PACS2: variants seen among roughly 807,000 people sequenced by gnomAD.
The protein encoded by PACS2 is phosphofurin acidic cluster sorting protein 2.
In PACS2, 36 loss-of-function variants were observed where a neutral mutation model predicts 113.0. The ratio of observed to expected loss-of-function variants is 0.32; its 90% CI spans 0.24 to 0.42. The LOEUF is 0.42. PACS2 is among the 10% of genes least tolerant of loss of function. The pLI, the probability that PACS2 is intolerant of heterozygous loss-of-function variation, is 1.00. For synonymous variants in PACS2, 589 were observed against 536.1 expected, an observed-to-expected ratio of 1.10 and a Z score of -1.36; for missense variants, 1,015 against 1,239.5, an observed-to-expected ratio of 0.82 and a Z score of 2.72.
rs587661895 is a variant in PACS2, at chr14:105,365,633, C to T, written c.424-1580C>T. Among the ~76,000 whole-genome samples, 3 of 152,334 alleles carry T rather than the reference C, an allele frequency of 2.0e-5. No homozygotes were observed. The South Asian group carries it at 6.2e-4, about 32-fold the overall frequency. On this transcript the variant is annotated intron_variant, in intron 4 of 24. Coordinates refer to ENST00000447393, the MANE Select transcript of PACS2 (RefSeq NM_001100913.3). The surrounding 1 kb of genome is among the most constrained non-coding windows in gnomAD (Gnocchi z 5.1). ...CCGTGGAGGTTGGTATGAGCAGGTG[C>T]AGCACCACCTGAGCCCCACCTTGAT...
At chr14:105,373,244 A>T (rs887565759) in intron 8 of PACS2, among the ~76,000 whole-genome samples, 1 of 152,254 alleles carries the variant, frequency 6.6e-6, no homozygotes, top group Non-Finnish European at 1.5e-5. Context: ...ATTTATGTGT[A>T]AATGCCAGAG....
intron 4 of PACS2, among the ~76,000 whole-genome samples, chr14:105,362,837 C>T (rs1402137837): frequency 2.0e-5 from 3 of 152,108 alleles, no homozygotes; most frequent in Admixed American, 6.5e-5. Flanking sequence ...GGCAACAGAG[C>T]GAAACTCCAA....
upstream of PACS2, among the ~76,000 whole-genome samples, chr14:105,310,861 TATCA>T (rs781112440): frequency 9.2e-5 from 14 of 152,378 alleles, no homozygotes; most frequent in Admixed American, 3.3e-4. Flanking sequence ...ATTTGTATCC[TATCA>T]ATATTTTTCT....
chr14:105,392,882 A>C (rs1566973463), intron 23 of PACS2, 37 bp downstream of exon 23: 1 of 1,495,552 alleles, frequency 6.7e-7, no homozygotes, highest in South Asian at 1.1e-5. Context: ...CACGGCGCAG[A>C]AGGGCGGCTC....
intron 4 of PACS2, among the ~76,000 whole-genome samples, chr14:105,364,526 G>C (rs1167430386): frequency 2.1e-4 from 31 of 150,524 alleles, no homozygotes; most frequent in African/African-American, 7.5e-4. Context: ...TGGGTGCGCG[G>C]TGGGCGGCAC....
intron 1 of PACS2, among the ~76,000 whole-genome samples, chr14:105,319,607 G>C (rs1682256117): frequency 6.6e-6 from 1 of 152,140 alleles, no homozygotes; most frequent in Non-Finnish European, 1.5e-5. Context: ...TTTTCAAAAT[G>C]TATGTTTTGT....
intron 9 of PACS2, among the ~76,000 whole-genome samples, chr14:105,377,821 A>G (rs1219673249): frequency 5.3e-5 from 8 of 152,206 alleles, no homozygotes; most frequent in African/African-American, 1.9e-4. Flanking sequence ...GGAGATTGCC[A>G]TCCCGAGGCT....
chr14:105,338,220 C>G (rs191858080), intron 1 of PACS2, among the ~76,000 whole-genome samples: 1 of 152,194 alleles, frequency 6.6e-6, no homozygotes, highest in Non-Finnish European at 1.5e-5. Flanking sequence ...CTGCCCAGCC[C>G]TGGAGAGTGT....
Position 105,348,792 on chromosome 14 carries a change from A to T in PACS2, c.207+212A>T. ...AGGGAGGCAGGCCCGGCCTTCTGGG[A>T]TGTGGAGGTCACATGCATGGGGCCT... is the stretch of plus-strand genomic sequence containing the variant. On this transcript the variant is annotated intron_variant, in intron 2 of 24. Transcript: ENST00000447393. This position sits in a 1 kb window ranked among gnomAD's most constrained non-coding sequence, Gnocchi z 6.4. The T allele has an allele frequency of 3.7e-6, 2 of 539,336 alleles. No homozygotes were observed. The allele number at this position is 539,336 out of a possible 1,614,324, so 33.4% of individuals were successfully genotyped here.
intron 1 of PACS2, among the ~76,000 whole-genome samples, chr14:105,327,103 G>T (rs76971061): frequency 1.3e-5 from 2 of 152,222 alleles, no homozygotes; most frequent in African/African-American, 2.4e-5. Flanking sequence ...GTCCAGCGTC[G>T]CTGTCTCCTG....
At chr14:105,337,717 C>T in intron 1 of PACS2, among the ~76,000 whole-genome samples, 1 of 152,338 alleles carries the variant, frequency 6.6e-6, no homozygotes, top group South Asian at 2.1e-4. Context: ...CCTGAGCCCC[C>T]TGAGATGGGA....
At chr14:105,304,779 TG>T (rs1566882853) in intron 1 of PACS2, among the ~76,000 whole-genome samples, 1 of 152,220 alleles carries the variant, frequency 6.6e-6, no homozygotes, top group African/African-American at 2.4e-5. Flanking sequence ...ACGTCTTACG[TG>T]GATGGCAGCA....
intron 3 of PACS2, among the ~76,000 whole-genome samples, chr14:105,352,948 G>A (rs1384245687): frequency 8.8e-6 from 1 of 114,098 alleles, no homozygotes; most frequent in African/African-American, 3.6e-5. Flanking sequence ...CCTCATCAGT[G>A]TCCCCTGGGG....
chr14:105,321,538 T>G (rs2140842947), intron 1 of PACS2, among the ~76,000 whole-genome samples: 1 of 152,180 alleles, frequency 6.6e-6, no homozygotes, highest in South Asian at 2.1e-4. Flanking sequence ...AAATTTTGTA[T>G]TTTTTGTAGA....
chr14:105,316,864 TG>T (rs2058672931), intron 1 of PACS2, among the ~76,000 whole-genome samples: 1 of 151,724 alleles, frequency 6.6e-6, no homozygotes, highest in African/African-American at 2.4e-5. Flanking sequence ...TCTGTTGGTG[TG>T]GAGTTAATGG....
intron 11 of PACS2, 129 bp from the exon 12 acceptor site, chr14:105,380,828 G>C: frequency 1.2e-6 from 1 of 854,692 alleles, no homozygotes; most frequent in Non-Finnish European, 1.7e-6. Flanking sequence ...CGTATGGCCG[G>C]GTCCACATGT....
rs1555407844 is a variant in PACS2 at position 105,365,891 on chromosome 14, T to C, written c.424-1322T>C. Among the ~76,000 whole-genome samples the C allele has an allele frequency of 1.3e-5, 2 of 152,202 alleles. No homozygotes were observed. Among genetic ancestry groups the C allele is most frequent in the African/African-American group, 4.8e-5 (2 of 41,456 alleles). On this transcript the variant is annotated intron_variant, in intron 4 of 24. Transcript: ENST00000447393. The surrounding 1 kb of genome is among the most constrained non-coding windows in gnomAD (Gnocchi z 5.1). ...TGAAGCTGCGTGTGCCCCGGCGAGT[T>C]GTGGGCACGAGGGCGTCAGCAGTGG...
Position 105,324,719 on chromosome 14 carries a change from C to T in PACS2, c.119+9682C>T, listed in dbSNP as rs1379898463. On this transcript the variant is annotated intron_variant, in intron 1 of 24. Transcript: ENST00000447393. This position sits in a 1 kb window ranked among gnomAD's most constrained non-coding sequence, Gnocchi z 4.7. ...CGGCCTGTGGAGGCCGGTGGCGCCC[C>T]GTCTCACCCCACGGATGGGGGGCAG... Among the ~76,000 whole-genome samples the T allele has an allele frequency of 3.3e-5, 5 of 152,190 alleles. No individual in the cohort carries two copies. The highest frequency in any genetic ancestry group is 1.9e-4 in the East Asian group (1 of 5,158).
intron 1 of PACS2, among the ~76,000 whole-genome samples, chr14:105,304,974 A>T (rs1873339117): frequency 6.6e-6 from 1 of 152,236 alleles, no homozygotes; most frequent in South Asian, 2.1e-4. Flanking sequence ...ACAGAGCCAA[A>T]TCATATCATG....
Sources: gnomAD v4.1 joint callset for allele counts (sites outside exome capture counted in the v4.1 genomes callset) on GRCh38, gnomAD v4.1.1 for gene constraint, Gnocchi (gnomAD v3.1) non-coding constraint, MANE v1.5 for transcripts, NCBI Gene and HGNC (gene_info 2026-07-23, HGNC 2026-07-21) for gene names.